MSH3: variants seen among roughly 807,000 people sequenced by gnomAD.
The protein encoded by MSH3 is DNA mismatch repair protein Msh3.
Under a neutral mutation model 123.3 loss-of-function variants are expected in MSH3, and 106 were observed. The ratio of observed to expected loss-of-function variants is 0.86; its 90% CI spans 0.73 to 1.01. The LOEUF is 1.01. MSH3 is among the 50% of genes least tolerant of loss of function. The pLI, the probability that MSH3 is intolerant of heterozygous loss-of-function variation, is 0.00. For synonymous variants in MSH3, 515 were observed against 481.4 expected, an observed-to-expected ratio of 1.07 and a Z score of -0.91; for missense variants, 1,459 against 1,347.6, an observed-to-expected ratio of 1.08 and a Z score of -1.29.
intron 12 of MSH3, among the ~76,000 whole-genome samples, chr5:80,750,434 G>A (rs1326888753): frequency 6.6e-6 from 1 of 152,002 alleles, no homozygotes. Flanking sequence ...AATCTGAAAG[G>A]AGTGAGGTGA....
intron 19 of MSH3, among the ~76,000 whole-genome samples, chr5:80,809,669 C>T (rs1392351682): frequency 2.6e-5 from 4 of 152,148 alleles, no homozygotes; most frequent in South Asian, 2.1e-4. Flanking sequence ...CCCTTCTGTG[C>T]GGTATTCTCT....
intron 23 of MSH3, among the ~76,000 whole-genome samples, chr5:80,875,020 G>A (rs1746280869): frequency 6.6e-6 from 1 of 152,192 alleles, no homozygotes; most frequent in Admixed American, 6.5e-5. Flanking sequence ...CCTTACTGTG[G>A]ATTTGTTATA....
intron 21 of MSH3, among the ~76,000 whole-genome samples, chr5:80,862,157 C>T (rs1462254142): frequency 6.6e-6 from 1 of 152,098 alleles, no homozygotes; most frequent in Non-Finnish European, 1.5e-5. Context: ...TTAGGTCTTC[C>T]GGCTAAAAGT....
At chr5:80,733,444 A>G (rs368406) in intron 10 of MSH3, among the ~76,000 whole-genome samples, 110,160 of 151,974 alleles carry the variant, frequency 0.72, 40,084 homozygotes, top group African/African-American at 0.81. Context: ...GACATCAAAA[A>G]CACAAGTGAG....
At chr5:80,706,962 C>T (rs1750738407) in intron 8 of MSH3, among the ~76,000 whole-genome samples, 1 of 152,170 alleles carries the variant, frequency 6.6e-6, no homozygotes, top group Non-Finnish European at 1.5e-5. Flanking sequence ...ATAACTACCA[C>T]CCAAATTAAG....
At chr5:80,716,610 C>T (rs1167822939) in intron 8 of MSH3, among the ~76,000 whole-genome samples, 3 of 152,008 alleles carry the variant, frequency 2.0e-5, no homozygotes, top group African/African-American at 7.2e-5. Flanking sequence ...ATTCTTGATT[C>T]ATAATATTTA....
At chr5:80,852,798 G>A (rs1020488074) in intron 20 of MSH3, among the ~76,000 whole-genome samples, 40 of 152,178 alleles carry the variant, frequency 2.6e-4, no homozygotes, top group African/African-American at 9.4e-4. Flanking sequence ...AGCTGGTTAA[G>A]GTGCAATTTG....
chr5:80,807,190 C>A (rs1488916966), intron 19 of MSH3, among the ~76,000 whole-genome samples: 577 of 90,986 alleles, frequency 6.3e-3, no homozygotes, highest in Admixed American at 7.6e-3. Context: ...TACCCTGTCT[C>A]AAAAAAAAAA....
chr5:80,837,772 T>C (rs1745542992), intron 20 of MSH3, among the ~76,000 whole-genome samples: 1 of 152,222 alleles, frequency 6.6e-6, no homozygotes, highest in African/African-American at 2.4e-5. Flanking sequence ...TTTCTGTGGT[T>C]CATGACCCCA....
intron 8 of MSH3, among the ~76,000 whole-genome samples, chr5:80,693,486 T>TATAC (rs763572124): frequency 2.1e-4 from 31 of 145,628 alleles, no homozygotes; most frequent in Non-Finnish European, 3.5e-4. Flanking sequence ...TTTATATAAA[T>TATAC]ATGCACATGT....
chr5:80,682,857 G>C (rs1277592228), intron 8 of MSH3, among the ~76,000 whole-genome samples: 2 of 151,940 alleles, frequency 1.3e-5, no homozygotes, highest in Non-Finnish European at 2.9e-5. Context: ...ACCATCCCCA[G>C]TTCCCTTCTC....
intron 20 of MSH3, among the ~76,000 whole-genome samples, chr5:80,836,271 A>G (rs1745507895): frequency 6.6e-6 from 1 of 152,170 alleles, no homozygotes. Flanking sequence ...AGTAAGTTGT[A>G]TTACAATTGT....
intron 20 of MSH3, among the ~76,000 whole-genome samples, chr5:80,823,341 A>T (rs926276583): frequency 1.3e-5 from 2 of 152,236 alleles, no homozygotes; most frequent in African/African-American, 4.8e-5. Flanking sequence ...TGAAATGCTT[A>T]CATGGTCACT....
chr5:80,809,308 T>C (rs2112048110), intron 19 of MSH3, among the ~76,000 whole-genome samples: 1 of 152,292 alleles, frequency 6.6e-6, no homozygotes, highest in East Asian at 1.9e-4. Flanking sequence ...GGTATTATAA[T>C]ATGCTTTACC....
chr5:80,699,859 A>G (rs1030353574), intron 8 of MSH3, among the ~76,000 whole-genome samples: 16 of 152,188 alleles, frequency 1.1e-4, no homozygotes, highest in African/African-American at 3.9e-4. Flanking sequence ...TTAAAGATTG[A>G]TATTGATGAT....
At chr5:80,672,506 A>C in intron 5 of MSH3, 146 bp downstream of exon 5, 1 of 716,220 alleles carries the variant, frequency 1.4e-6, no homozygotes, top group Non-Finnish European at 2.5e-6. Flanking sequence ...AATTATTAGT[A>C]TTATGTATTT....
intron 22 of MSH3, among the ~76,000 whole-genome samples, chr5:80,868,686 C>T (rs375841102): frequency 6.7e-6 from 1 of 148,222 alleles, no homozygotes; most frequent in Non-Finnish European, 1.5e-5. Context: ...AATACCTGGG[C>T]GATTAAATAA....
chr5:80,842,811 C>T (rs912202083), intron 20 of MSH3, among the ~76,000 whole-genome samples: 7 of 152,108 alleles, frequency 4.6e-5, no homozygotes, highest in South Asian at 2.1e-4. Context: ...TGGGCTGAGA[C>T]GATGGGGTTT....
At chr5:80,839,946 A>G (rs148744706) in intron 20 of MSH3, among the ~76,000 whole-genome samples, 306 of 152,252 alleles carry the variant, frequency 2.0e-3, no homozygotes, top group Non-Finnish European at 3.3e-3. Flanking sequence ...TTCTTCTGGT[A>G]GTTAACATTA....
Sources: allele counts gnomAD v4.1 joint callset (sites outside exome capture counted in the v4.1 genomes callset), GRCh38; gene constraint gnomAD v4.1.1; transcripts MANE v1.5; gene names NCBI Gene and HGNC (gene_info 2026-07-23, HGNC 2026-07-21).